SLX4IP: variants seen among roughly 807,000 people sequenced by gnomAD.
SLX4IP encodes SLX4 interacting protein.
Under a neutral mutation model 32.9 loss-of-function variants are expected in SLX4IP, and 34 were observed. The observed-to-expected ratio is 1.03, with a 90% confidence interval of 0.79 to 1.38. The LOEUF is 1.38. Among genes scored for constraint, SLX4IP ranks in the 40% most tolerant of loss-of-function variants. The pLI, the probability that SLX4IP is intolerant of heterozygous loss-of-function variation, is 0.00. For missense variants in SLX4IP, 444 were observed against 479.0 expected (o/e 0.93, Z 0.68); for synonymous variants, 172 against 171.7 (o/e 1.00, Z -0.01).
intron 1 of SLX4IP, among the ~76,000 whole-genome samples, chr20:10,451,038 C>T (rs2065237252): frequency 6.6e-6 from 1 of 152,030 alleles, no homozygotes; most frequent in Non-Finnish European, 1.5e-5. Context: ...AGGCGTGAGC[C>T]ACCGTGCCCG....
intron 2 of SLX4IP, among the ~76,000 whole-genome samples, chr20:10,534,440 CATT>C (rs1442006531): frequency 6.6e-6 from 1 of 152,114 alleles, no homozygotes; most frequent in African/African-American, 2.4e-5. Context: ...AATCTTGAAT[CATT>C]GTTTCAAAAA....
intron 2 of SLX4IP, among the ~76,000 whole-genome samples, chr20:10,529,115 A>G (rs937903070): frequency 6.6e-6 from 1 of 152,244 alleles, no homozygotes; most frequent in African/African-American, 2.4e-5. Context: ...TCTAAAGACT[A>G]AAAAGTAGAT....
intron 4 of SLX4IP, among the ~76,000 whole-genome samples, chr20:10,580,400 T>C (rs2066570819): frequency 6.6e-6 from 1 of 151,748 alleles, no homozygotes; most frequent in South Asian, 2.1e-4. Flanking sequence ...AGCAGAATGC[T>C]CCTGATGCTT....
At chr20:10,438,827 C>T (rs375367095) in intron 1 of SLX4IP, among the ~76,000 whole-genome samples, 3 of 151,402 alleles carry the variant, frequency 2.0e-5, no homozygotes, top group African/African-American at 4.8e-5. Flanking sequence ...TTGGGGGGTA[C>T]GGGTTAGTCT....
intron 6 of SLX4IP, among the ~76,000 whole-genome samples, chr20:10,602,238 A>T (rs898989407): frequency 6.6e-6 from 1 of 152,118 alleles, no homozygotes; most frequent in African/African-American, 2.4e-5. Context: ...GAGAACCAGT[A>T]CTTTTCCCCA....
intron 4 of SLX4IP, among the ~76,000 whole-genome samples, chr20:10,578,059 AT>A (rs908490706): frequency 2.0e-5 from 3 of 152,182 alleles, no homozygotes; most frequent in African/African-American, 7.2e-5. Flanking sequence ...AATACTTCTC[AT>A]TTTTTTAATA....
At chr20:10,438,895 A>G (rs940661589) in intron 1 of SLX4IP, among the ~76,000 whole-genome samples, 3 of 150,916 alleles carry the variant, frequency 2.0e-5, no homozygotes, top group Non-Finnish European at 2.9e-5. Flanking sequence ...TTTGTTTTAG[A>G]GAGGATCTTG....
At chr20:10,479,331 C>T (rs1347728293) in intron 2 of SLX4IP, among the ~76,000 whole-genome samples, 1 of 150,520 alleles carries the variant, frequency 6.6e-6, no homozygotes, top group East Asian at 2.0e-4. Flanking sequence ...TCCATATTCT[C>T]ATCGCTCAAA....
chr20:10,477,779 G>T (rs936220253), intron 2 of SLX4IP, among the ~76,000 whole-genome samples: 2 of 152,138 alleles, frequency 1.3e-5, no homozygotes, highest in African/African-American at 4.8e-5. Flanking sequence ...AAAGATACCA[G>T]CTGGGAAACA....
At chr20:10,544,924 A>G (rs978491569) in intron 2 of SLX4IP, among the ~76,000 whole-genome samples, 12 of 152,154 alleles carry the variant, frequency 7.9e-5, no homozygotes, top group African/African-American at 2.9e-4. Context: ...TTCTTCCAGG[A>G]TACAAGGGGG....
intron 2 of SLX4IP, among the ~76,000 whole-genome samples, chr20:10,547,174 A>T (rs759435079): frequency 7.2e-5 from 11 of 152,232 alleles, no homozygotes; most frequent in Non-Finnish European, 1.3e-4. Flanking sequence ...GATACCAGAG[A>T]TGATTTACTG....
intron 4 of SLX4IP, among the ~76,000 whole-genome samples, chr20:10,594,111 A>G (rs1172001736): frequency 1.3e-5 from 2 of 152,260 alleles, no homozygotes; most frequent in African/African-American, 4.8e-5. Flanking sequence ...AAATATGTGT[A>G]TGAAATACGG....
chr20:10,456,778 C>T (rs2065289096), intron 1 of SLX4IP, among the ~76,000 whole-genome samples: 2 of 152,164 alleles, frequency 1.3e-5, no homozygotes, highest in African/African-American at 4.8e-5. Context: ...AAGAAGTCAG[C>T]TGGGATTTTG....
intron 6 of SLX4IP, among the ~76,000 whole-genome samples, chr20:10,618,574 ATTT>A (rs1027160541): frequency 6.6e-6 from 1 of 152,094 alleles, no homozygotes; most frequent in African/African-American, 2.4e-5. Context: ...GGTTAATCTA[ATTT>A]TTTAATACCT....
At chr20:10,584,055 A>G (rs2066617123) in intron 4 of SLX4IP, among the ~76,000 whole-genome samples, 1 of 152,252 alleles carries the variant, frequency 6.6e-6, no homozygotes, top group African/African-American at 2.4e-5. Flanking sequence ...TATCAGCCCA[A>G]TATACATCTT....
intron 2 of SLX4IP, among the ~76,000 whole-genome samples, chr20:10,537,298 A>G (rs1456461322): frequency 6.6e-6 from 1 of 152,166 alleles, no homozygotes; most frequent in African/African-American, 2.4e-5. Flanking sequence ...TGCCCTACCC[A>G]GTGCTTAATT....
chr20:10,464,851 C>T (rs868301039), intron 2 of SLX4IP, among the ~76,000 whole-genome samples: 5 of 151,970 alleles, frequency 3.3e-5, no homozygotes, highest in South Asian at 2.1e-4. Context: ...GACAGGATCT[C>T]GTTATGTTGC....
chr20:10,436,177 G>T (rs147183632), intron 1 of SLX4IP, among the ~76,000 whole-genome samples: 1 of 152,024 alleles, frequency 6.6e-6, no homozygotes, highest in Non-Finnish European at 1.5e-5. Flanking sequence ...CAGTTACTTA[G>T]GGCCTTGTTG....
At chr20:10,463,834 T>C (rs1031311505) in intron 2 of SLX4IP, among the ~76,000 whole-genome samples, 1 of 152,182 alleles carries the variant, frequency 6.6e-6, no homozygotes, top group Non-Finnish European at 1.5e-5. Context: ...CAGGCTGGAA[T>C]GCAGTGGCAC....
Sources: gnomAD v4.1 joint callset for allele counts (sites outside exome capture counted in the v4.1 genomes callset) on GRCh38, gnomAD v4.1.1 for gene constraint, MANE v1.5 for transcripts, NCBI Gene and HGNC (gene_info 2026-07-23, HGNC 2026-07-21) for gene names.